Variants in PCGF2 observed in about 807,000 individuals in gnomAD.
PCGF2 encodes polycomb group RING finger protein 2.
Under a neutral mutation model 36.1 loss-of-function variants are expected in PCGF2, and 8 were observed. That is an observed-to-expected ratio of 0.22 (90% CI 0.13 to 0.40). The LOEUF (loss-of-function observed/expected upper bound fraction) is 0.40, where lower values mean the gene tolerates loss of function less well. PCGF2 is among the 10% of genes least tolerant of loss of function. PCGF2 has a pLI of 1.00. For missense variants in PCGF2, 436 were observed against 475.9 expected (o/e 0.92, Z 0.78); for synonymous variants, 198 against 191.2 (o/e 1.04, Z -0.29).
rs1906577286 is a variant in PCGF2, at chr17:38,735,107, C to A, written c.*116G>T. ...TATATATATTTATTTATAAAACCCG[C>A]CCCCCACCCCCAAGGTGGGAAGAGC... On this transcript the variant is annotated 3_prime_UTR_variant, in exon 11 of 11. Coordinates refer to ENST00000620225, the MANE Select transcript of PCGF2 (RefSeq NM_007144.3). 2 of 742,906 alleles carry A rather than the reference C, an allele frequency of 2.7e-6. No homozygotes were observed. Among genetic ancestry groups the A allele is most frequent in the Admixed American group, 7.7e-5 (2 of 25,928 alleles). The allele number at this position is 742,906 out of a possible 1,614,324, so 46.0% of individuals were successfully genotyped here.
chr17:38,736,365 G>C (rs1295753657), intron 9 of PCGF2, among the ~76,000 whole-genome samples, 195 bp from the exon 10 acceptor site: 1 of 152,136 alleles, frequency 6.6e-6, no homozygotes. Context: ...AGGCAGGAAG[G>C]GTTCCAGAGA....
chr17:38,743,069 T>C (rs1027801605), intron 2 of PCGF2, among the ~76,000 whole-genome samples: 2 of 150,654 alleles, frequency 1.3e-5, no homozygotes, highest in Non-Finnish European at 2.9e-5. Context: ...ACACACTCGC[T>C]GTGTTTTCAA....
chr17:38,738,736 G>C lies in PCGF2; in HGVS notation c.425+17C>G. On this transcript the variant is annotated intron_variant, in intron 7 of 10. Transcript: ENST00000620225. ...CAGACTAGGAACCCAGAAGGGGCCA[G>C]CCTGGGCCAGACTTGCCTGGCACCT... is the stretch of plus-strand genomic sequence containing the variant. 1 of 1,604,922 alleles carries C rather than the reference G, an allele frequency of 6.2e-7. No individual in the cohort carries two copies. Among genetic ancestry groups the C allele is most frequent in the South Asian group, 1.1e-5 (1 of 90,910 alleles).
intron 9 of PCGF2, among the ~76,000 whole-genome samples, chr17:38,736,970 TA>T (rs898942136): frequency 2.0e-5 from 3 of 146,908 alleles, no homozygotes; most frequent in African/African-American, 7.6e-5. Context: ...CCGTCTCTAC[TA>T]AAAAAACAGA....
In PCGF2 at chr17:38,735,346, C is replaced by T. The variant is rs999482989; in HGVS notation, c.912G>A (p.Ser304=). ...ATHPTSPTPP[S]TASGATTAAN... is the part of the protein sequence containing the mutation. ...CAGCTGTGGTGGCCCCACTGGCTGT[C>T]GAAGGGGGAGTGGGGGAGGTAGGGT... The change falls in exon 11 of 11, where the codon TCG becomes TCA. Residue 304 remains serine, a synonymous_variant. Coordinates refer to ENST00000620225, the MANE Select transcript of PCGF2 (RefSeq NM_007144.3). 9 of 1,556,186 alleles carry T rather than the reference C, an allele frequency of 5.8e-6. No individual in the cohort carries two copies. The highest frequency in any genetic ancestry group is 5.2e-6 in the Non-Finnish European group (6 of 1,148,012).
intron 2 of PCGF2, among the ~76,000 whole-genome samples, chr17:38,742,326 C>T (rs1292672692): frequency 6.6e-6 from 1 of 152,222 alleles, no homozygotes; most frequent in Non-Finnish European, 1.5e-5. Flanking sequence ...AGCCACCACA[C>T]TGAGTTTTCT....
chr17:38,740,256 G>A, intron 3 of PCGF2, 35 bp downstream of exon 3: 1 of 1,593,856 alleles, frequency 6.3e-7, no homozygotes, highest in African/African-American at 1.3e-5. Flanking sequence ...CACAGAGGCT[G>A]CCCACCCTGA....
At chr17:38,743,689 T>C (rs1417440261) in intron 2 of PCGF2, among the ~76,000 whole-genome samples, 1 of 152,088 alleles carries the variant, frequency 6.6e-6, no homozygotes, top group African/African-American at 2.4e-5. Context: ...CCTCACCTGA[T>C]TGCCATGGTT....
chr17:38,738,763 C>T lies in PCGF2; in HGVS notation c.415G>A (p.Glu139Lys), dbSNP rs201164684. ...CTGGGCCAGACTTGCCTGGCACCTT[C>T]GTAGAATTCGATGGAGAGGCTGACA... ...EIVSLSIEFY[E>K]GARDRDEKKG... Residue 139 changes from glutamate (E) to lysine (K), a missense_variant, in exon 7 of 11, where the codon GAA becomes AAA. Glu to Lys is a moderately conservative substitution (Grantham distance 56). Around this residue, in one of 3 missense-constraint regions of PCGF2, gnomAD observed 189 missense variants for 219.3 expected, o/e 0.86. Transcript: ENST00000620225. 5.5e-5 allele frequency: 88 copies of T among 1,613,424 alleles called. No individual in the cohort carries two copies. The highest frequency in any genetic ancestry group is 6.7e-5 in the Admixed American group (4 of 60,008).
At position 38,739,004 on chromosome 17, in the gene PCGF2, C is replaced by T. The variant is rs1598016089; in HGVS notation, c.316+64G>A. 15 of 1,583,178 alleles carry T rather than the reference C, an allele frequency of 9.5e-6. No individual in the cohort carries two copies. Among genetic ancestry groups the T allele is most frequent in the African/African-American group, 2.7e-5 (2 of 74,394 alleles). Reference sequence around the variant, plus strand: ...GAGGAGGTCAGAGGGTGAGGGGTAGCGCTACACACCTACATGGTCCCAGGC... The same window carrying T: ...GAGGAGGTCAGAGGGTGAGGGGTAGTGCTACACACCTACATGGTCCCAGGC... On this transcript the variant is annotated intron_variant, in intron 6 of 10. Transcript: ENST00000620225. The surrounding 1 kb of genome is among the most constrained non-coding windows in gnomAD (Gnocchi z 4.0).
chr17:38,735,395 C>A lies in PCGF2; in HGVS notation c.863G>T (p.Ser288Ile). 6.4e-7 allele frequency: 1 copy of A among 1,569,994 alleles called. No individual in the cohort carries two copies. Among genetic ancestry groups the A allele is most frequent in the East Asian group, 2.3e-5 (1 of 42,612 alleles). The change falls in exon 11 of 11, where the codon AGT (serine) becomes ATT (isoleucine). Residue 288 changes from serine (S) to isoleucine (I), a missense_variant. Transcript: ENST00000620225. ...GTGGGTGGCTGGAGGCCCATGGGAACTGGGAGAGCCATGGGATGGGGTGGC... is the reference window on the plus strand; with the variant it reads ...GTGGGTGGCTGGAGGCCCATGGGAAATGGGAGAGCCATGGGATGGGGTGGC... ...SPATPSHGSP[S>I]SHGPPATHPT...
At chr17:38,743,939 T>A (rs1907373420) in intron 2 of PCGF2, among the ~76,000 whole-genome samples, 1 of 152,066 alleles carries the variant, frequency 6.6e-6, no homozygotes, top group Admixed American at 6.6e-5. Context: ...TGGGAAGAAC[T>A]CGAGGGAGAA....
intron 2 of PCGF2, chr17:38,746,730 C>G (rs1417366197): frequency 6.6e-6 from 1 of 152,346 alleles, no homozygotes; most frequent in African/African-American, 2.4e-5. Context: ...TCAACTTGAA[C>G]CCTACCTAGC....
chr17:38,739,265 T>C lies in PCGF2; in HGVS notation c.210-12A>G. On this transcript the variant is annotated splice_polypyrimidine_tract_variant and intron_variant, in intron 4 of 10. Coordinates refer to ENST00000620225, the MANE Select transcript of PCGF2 (RefSeq NM_007144.3). The surrounding 1 kb of genome is among the most constrained non-coding windows in gnomAD (Gnocchi z 4.0). ...GTGTTTTGTCAGACCTGGGGAAAAA[T>C]GGACAGGGCTTATCAGCAATGCCTT... is the stretch of plus-strand genomic sequence containing the variant. The C allele has an allele frequency of 6.2e-7, 1 of 1,612,792 alleles. No homozygotes were observed. Among genetic ancestry groups the C allele is most frequent in the Non-Finnish European group, 8.5e-7 (1 of 1,179,070 alleles).
intron 2 of PCGF2, among the ~76,000 whole-genome samples, chr17:38,741,730 G>A (rs1907212568): frequency 6.6e-6 from 1 of 152,190 alleles, no homozygotes; most frequent in Non-Finnish European, 1.5e-5. Flanking sequence ...GGAACAGAGA[G>A]GGTCCTTACA....
rs1907021338 is a variant in PCGF2 at position 38,739,403 on chromosome 17, C to T, written c.210-150G>A. On this transcript the variant is annotated intron_variant, in intron 4 of 10. Transcript: ENST00000620225. This position sits in a 1 kb window ranked among gnomAD's most constrained non-coding sequence, Gnocchi z 4.0. ...GATCCCTGTGGGTCTGGTCTTTGCC[C>T]CTCTAGTATGCCTCACCCTGTGATG... 1.1e-6 allele frequency: 1 copy of T among 899,096 alleles called. No individual in the cohort carries two copies. The highest frequency in any genetic ancestry group is 1.8e-6 in the Non-Finnish European group (1 of 554,080). The allele number at this position is 899,096 out of a possible 1,614,324, so 55.7% of individuals were successfully genotyped here. A position where few individuals can be genotyped will look rare whatever the true frequency, so the allele number is the denominator to read the frequency against.
chr17:38,749,650 G>C, upstream of PCGF2: 2 of 456,076 alleles, frequency 4.4e-6, no homozygotes, highest in South Asian at 1.5e-5. The surrounding 1 kb of genome is among the most constrained non-coding windows in gnomAD (Gnocchi z 6.5). Flanking sequence ...AATTAGGATA[G>C]GAATCTTCGC....
Position 38,735,443 on chromosome 17 carries a change from G to T in PCGF2, c.815C>A (p.Thr272Asn). 6.3e-7 allele frequency: 1 copy of T among 1,585,502 alleles called. No individual in the cohort carries two copies. The highest frequency in any genetic ancestry group is 8.6e-7 in the Non-Finnish European group (1 of 1,165,616). The change falls in exon 11 of 11, where the codon ACC becomes AAC. Residue 272 changes from threonine to asparagine, a missense_variant. Thr to Asn is a moderately conservative substitution (Grantham distance 65). Coordinates refer to ENST00000620225, the MANE Select transcript of PCGF2 (RefSeq NM_007144.3). ...GGCTGGGCTGGGCAGGGAGGAGGAG[G>T]TGGCTGGCAGGGTGGCAGGGCTGGG... Reference protein sequence around the residue: ...KAPSPATLPATSSSLPSPATP... With the variant: ...KAPSPATLPANSSSLPSPATP...
Position 38,736,149 on chromosome 17 carries a change from C to G in PCGF2, c.598G>C (p.Glu200Gln). The change falls in exon 10 of 11, where the codon GAG becomes CAG. Residue 200 changes from glutamate (E) to glutamine (Q), a missense_variant. Transcript: ENST00000620225. ...AGGGTGTAGTATTCCTTCAGTGGCT[C>G]GTCCTCGTACAGAACCTCCACCTGG... ...KYKVEVLYED[E>Q]PLKEYYTLMD... The G allele has an allele frequency of 1.9e-6, 3 of 1,578,168 alleles. No homozygotes were observed. Among genetic ancestry groups the G allele is most frequent in the South Asian group, 1.2e-5 (1 of 86,354 alleles).
Sources: gnomAD v4.1 joint callset for allele counts (sites outside exome capture counted in the v4.1 genomes callset) on GRCh38, gnomAD v4.1.1 for gene constraint, gnomAD v4.1.1 regional missense constraint, Gnocchi (gnomAD v3.1) non-coding constraint, MANE v1.5 for transcripts, NCBI Gene and HGNC (gene_info 2026-07-23, HGNC 2026-07-21) for gene names.